The following COL28A1 variants were observed in gnomAD, a reference collection of about 807,000 sequenced individuals.
COL28A1 encodes collagen alpha-1(XXVIII) chain.
In COL28A1, 161 loss-of-function variants were observed where a neutral mutation model predicts 150.2. The ratio of observed to expected loss-of-function variants is 1.07; its 90% CI spans 0.94 to 1.22. COL28A1 has a LOEUF of 1.22. COL28A1 is among the 50% of genes most tolerant of loss of function. The pLI is 0.00. For synonymous variants in COL28A1, 552 were observed against 469.7 expected, an observed-to-expected ratio of 1.18 and a Z score of -2.26; for missense variants, 1,617 against 1,388.3, an observed-to-expected ratio of 1.16 and a Z score of -2.62.
intron 25 of COL28A1, among the ~76,000 whole-genome samples, chr7:7,426,357 A>C (rs1399034770): frequency 2.6e-5 from 4 of 152,224 alleles, no homozygotes; most frequent in Admixed American, 6.5e-5. Context: ...CACCTATGTC[A>C]TGTGTTAGGA....
At chr7:7,416,614 G>A (rs1784088626) in intron 27 of COL28A1, among the ~76,000 whole-genome samples, 2 of 152,226 alleles carry the variant, frequency 1.3e-5, no homozygotes, top group African/African-American at 2.4e-5. Context: ...AAAGCAGAGT[G>A]TTGCTGTATT....
intron 26 of COL28A1, among the ~76,000 whole-genome samples, chr7:7,418,686 T>C (rs1420639253): frequency 6.6e-6 from 1 of 152,162 alleles, no homozygotes; most frequent in East Asian, 1.9e-4. Context: ...AGTCTTTTAC[T>C]TTCCAGTATT....
intron 27 of COL28A1, among the ~76,000 whole-genome samples, chr7:7,389,053 G>A (rs144672513): frequency 1.2e-3 from 185 of 152,152 alleles, no homozygotes; most frequent in African/African-American, 4.3e-3. Context: ...TGGTATTTTA[G>A]TCATGAAGCC....
chr7:7,502,696 T>TCCTGCAC lies in COL28A1; in HGVS notation c.1026+3317_1026+3318insGTGCAGG, dbSNP rs1583519296. The stretch of plus-strand genomic sequence containing the variant: ...TCTCCCAAGATATTCCCTTCCTTTT[T>TCCTGCAC]TTTTTTTTTTTTTTTTTTTGAGACG... On this transcript the variant is annotated intron_variant, in intron 11 of 34. Transcript: ENST00000399429. 1.2e-3 allele frequency among the ~76,000 whole-genome samples: 110 copies of TCCTGCAC among 88,338 alleles called. 18 individuals are homozygous for TCCTGCAC. Among genetic ancestry groups the TCCTGCAC allele is most frequent in the African/African-American group, 1.7e-3 (24 of 14,520 alleles). 58.0% of individuals were successfully genotyped at this position (88,338 alleles called of 152,430 possible).
intron 33 of COL28A1, among the ~76,000 whole-genome samples, chr7:7,369,330 T>C (rs1487468112): frequency 3.9e-5 from 6 of 152,264 alleles, no homozygotes; most frequent in Non-Finnish European, 2.9e-5. Flanking sequence ...TGAGTCACTA[T>C]CTGTTCTTGT....
At chr7:7,363,849 C>T (rs1270039066) in intron 33 of COL28A1, among the ~76,000 whole-genome samples, 2 of 152,070 alleles carry the variant, frequency 1.3e-5, no homozygotes, top group African/African-American at 2.4e-5. Context: ...AGCACGATCT[C>T]GGCTCACTGC....
chr7:7,477,071 T>C (rs747311052), intron 14 of COL28A1, 41 bp downstream of exon 14: 8 of 883,864 alleles, frequency 9.1e-6, no homozygotes, highest in Non-Finnish European at 1.6e-5. Context: ...CACGAGCATG[T>C]AAGACAAAGC....
At chr7:7,529,871 G>A (rs895958351) in intron 3 of COL28A1, among the ~76,000 whole-genome samples, 12 of 152,184 alleles carry the variant, frequency 7.9e-5, no homozygotes, top group African/African-American at 2.9e-4. Flanking sequence ...GTGTTAGCCA[G>A]GAACCACTAC....
At chr7:7,350,947 A>G in the COL28A1 span, among the ~76,000 whole-genome samples, 11 of 152,142 alleles carry the variant, frequency 7.2e-5, no homozygotes, top group African/African-American at 2.2e-4. Flanking sequence ...TTAAGCTTCT[A>G]GTCGATTTCA....
chr7:7,494,997 G>A (rs1011942164), intron 11 of COL28A1, among the ~76,000 whole-genome samples: 21 of 152,240 alleles, frequency 1.4e-4, no homozygotes, highest in Admixed American at 2.6e-4. Context: ...TCAGCAGCCC[G>A]TGAGCCCAAC....
chr7:7,498,042 A>T (rs1044415158), intron 11 of COL28A1, among the ~76,000 whole-genome samples: 1 of 152,202 alleles, frequency 6.6e-6, no homozygotes, highest in African/African-American at 2.4e-5. Flanking sequence ...TTGGTGAAGA[A>T]TATAATAAAA....
At chr7:7,339,942 C>G in the COL28A1 span, among the ~76,000 whole-genome samples, 7 of 152,102 alleles carry the variant, frequency 4.6e-5, no homozygotes, top group Non-Finnish European at 1.0e-4. Context: ...AGAGAAATAA[C>G]TTGAAAATCC....
chr7:7,406,617 G>A (rs1032772809), intron 27 of COL28A1, among the ~76,000 whole-genome samples: 3 of 152,126 alleles, frequency 2.0e-5, no homozygotes, highest in African/African-American at 7.2e-5. Context: ...TGTGGTCAAG[G>A]GTGGTCTCTC....
At chr7:7,353,629 G>A (rs1407498233), downstream of COL28A1, among the ~76,000 whole-genome samples, 1 of 152,162 alleles carries the variant, frequency 6.6e-6, no homozygotes, top group Non-Finnish European at 1.5e-5. Context: ...GTACCACAAA[G>A]AAAGAGGCCT....
At chr7:7,519,301 G>A (rs149995188) in intron 6 of COL28A1, among the ~76,000 whole-genome samples, 3,807 of 152,228 alleles carry the variant, frequency 0.025, 114 homozygotes, top group African/African-American at 0.065. Context: ...GGAAAGACCC[G>A]CCCCCTATGA....
rs186600675 is a variant in COL28A1, at chr7:7,455,724, C to T, written c.1371+320G>A. On this transcript the variant is annotated intron_variant, in intron 16 of 34. Coordinates refer to ENST00000399429, the MANE Select transcript of COL28A1 (RefSeq NM_001037763.3). ...TTCAAGGAGAAAAAAATACACAAAC[C>T]AGCAGGTGAGTAAACTATTGTTCCC... 5.6e-4 allele frequency among the ~76,000 whole-genome samples: 85 copies of T among 152,248 alleles called. 1 individual carries two copies. The highest frequency in any genetic ancestry group is 9.3e-4 in the Non-Finnish European group (63 of 68,012).
intron 27 of COL28A1, among the ~76,000 whole-genome samples, chr7:7,413,343 C>A (rs140493330): frequency 6.6e-6 from 1 of 152,176 alleles, no homozygotes; most frequent in East Asian, 1.9e-4. Context: ...TACTTCAGAG[C>A]AACAAATGAC....
intron 33 of COL28A1, among the ~76,000 whole-genome samples, chr7:7,365,870 A>C (rs947231917): frequency 1.3e-5 from 2 of 152,274 alleles, no homozygotes; most frequent in East Asian, 3.9e-4. Flanking sequence ...CCAAGAATCA[A>C]ACACACTTCT....
At chr7:7,356,885 A>G (rs1453687747), downstream of COL28A1, 1 of 152,206 alleles carries the variant, frequency 6.6e-6, no homozygotes, top group Admixed American at 6.5e-5. Flanking sequence ...CTTTTGTAGT[A>G]TCAAATATTA....
Sources: gnomAD v4.1 joint callset for allele counts (sites outside exome capture counted in the v4.1 genomes callset) on GRCh38, gnomAD v4.1.1 for gene constraint, MANE v1.5 for transcripts, NCBI Gene and HGNC (gene_info 2026-07-23, HGNC 2026-07-21) for gene names.